KHDRBS2: variants seen among roughly 807,000 people sequenced by gnomAD.
KHDRBS2 encodes the protein KH domain-containing, RNA-binding, signal transduction-associated protein 2.
In KHDRBS2, 26 loss-of-function variants were observed where a neutral mutation model predicts 44.3. That is an observed-to-expected ratio of 0.59 (90% confidence interval 0.43 to 0.81). The LOEUF is 0.81. Ranked by LOEUF, KHDRBS2 falls within the 40% of genes least tolerant of loss-of-function variation. The pLI is 0.00. For missense variants in KHDRBS2, 476 were observed against 433.1 expected, an observed-to-expected ratio of 1.10 and a Z score of -0.88; for synonymous variants, 194 against 151.1, an observed-to-expected ratio of 1.28 and a Z score of -2.08.
intron 2 of KHDRBS2, among the ~76,000 whole-genome samples, chr6:62,127,566 GTT>G (rs374205291): frequency 2.0e-5 from 3 of 151,018 alleles, no homozygotes; most frequent in Non-Finnish European, 4.4e-5. Flanking sequence ...ACTACACTAA[GTT>G]TTTTTTTCTT....
chr6:62,013,134 C>A (rs952316679), intron 3 of KHDRBS2, among the ~76,000 whole-genome samples: 2 of 152,090 alleles, frequency 1.3e-5, no homozygotes, highest in Admixed American at 6.5e-5. Context: ...CAAATGAGAT[C>A]CTATGGAGCC....
the KHDRBS2 span, among the ~76,000 whole-genome samples, chr6:61,605,266 A>C: frequency 6.6e-6 from 1 of 152,054 alleles, no homozygotes; most frequent in Non-Finnish European, 1.5e-5. Context: ...TTTTCTGTCT[A>C]GTCATATTCC....
chr6:61,828,722 A>G (rs925096224), intron 6 of KHDRBS2, among the ~76,000 whole-genome samples: 6 of 152,156 alleles, frequency 3.9e-5, no homozygotes, highest in Admixed American at 3.3e-4. Context: ...TTCTTAAAGT[A>G]TTTATCACAC....
chr6:61,973,430 G>T (rs1433541092), intron 4 of KHDRBS2, among the ~76,000 whole-genome samples: 1 of 152,050 alleles, frequency 6.6e-6, no homozygotes, highest in Non-Finnish European at 1.5e-5. Context: ...ATTTGCTTTT[G>T]CCATAAAGAA....
intron 2 of KHDRBS2, among the ~76,000 whole-genome samples, chr6:62,083,394 C>G (rs1034263980): frequency 1.3e-5 from 2 of 152,124 alleles, no homozygotes; most frequent in South Asian, 4.2e-4. Context: ...CTGCATTTAC[C>G]ATCTTCAATT....
chr6:62,112,038 T>C (rs1805124835), intron 2 of KHDRBS2, among the ~76,000 whole-genome samples: 1 of 152,164 alleles, frequency 6.6e-6, no homozygotes, highest in South Asian at 2.1e-4. Context: ...ACTAATCATT[T>C]ACTGGAAATT....
At chr6:61,872,190 A>G (rs1289016747) in intron 6 of KHDRBS2, among the ~76,000 whole-genome samples, 1 of 152,218 alleles carries the variant, frequency 6.6e-6, no homozygotes, top group Non-Finnish European at 1.5e-5. Context: ...AATAAATTGA[A>G]AAACTCCTAA....
intron 2 of KHDRBS2, among the ~76,000 whole-genome samples, chr6:62,088,413 G>A (rs1798826943): frequency 6.6e-6 from 1 of 152,188 alleles, no homozygotes; most frequent in East Asian, 1.9e-4. Flanking sequence ...TGATGGTGAT[G>A]CTATTGTTTT....
chr6:61,741,347 C>G (rs1032528529), intron 6 of KHDRBS2, among the ~76,000 whole-genome samples: 2 of 151,858 alleles, frequency 1.3e-5, no homozygotes, highest in African/African-American at 4.8e-5. Flanking sequence ...AGGTTGCTTG[C>G]AACTCAGAAA....
chr6:61,571,284 CA>C, the KHDRBS2 span, among the ~76,000 whole-genome samples: 2 of 151,852 alleles, frequency 1.3e-5, no homozygotes, highest in Admixed American at 1.3e-4. Flanking sequence ...TTATATCACA[CA>C]AAACAGACTT....
intron 2 of KHDRBS2, among the ~76,000 whole-genome samples, chr6:62,059,481 G>A (rs1458136066): frequency 6.6e-6 from 1 of 151,406 alleles, no homozygotes; most frequent in Non-Finnish European, 1.5e-5. Context: ...TCCTCAATAA[G>A]ACATGGCAAT....
In KHDRBS2 at chr6:62,275,106, ACTTAT is replaced by A. The variant is rs1023813262; in HGVS notation, c.91+10747_91+10751del. On this transcript the variant is annotated intron_variant, in intron 1 of 8. Transcript: ENST00000281156. The stretch of plus-strand genomic sequence containing the variant: ...TGGTTTACTGAAACTCATTCCAAAT[ACTTAT>A]CTGACTTAATTAAATTGCTTTTAAT... Among the ~76,000 whole-genome samples, 8 of 152,172 alleles carry A rather than the reference ACTTAT, an allele frequency of 5.3e-5. No homozygotes were observed. In the East Asian group the frequency reaches 1.5e-3, roughly 29 times the overall value.
At chr6:61,689,589 T>C (rs1173996428) in intron 8 of KHDRBS2, among the ~76,000 whole-genome samples, 5 of 151,962 alleles carry the variant, frequency 3.3e-5, no homozygotes, top group African/African-American at 7.2e-5. Flanking sequence ...ATTGAACCTA[T>C]CTGTGCCAGA....
chr6:62,235,685 T>C (rs1027631336), intron 1 of KHDRBS2, among the ~76,000 whole-genome samples: 12 of 152,072 alleles, frequency 7.9e-5, no homozygotes, highest in African/African-American at 2.7e-4. Flanking sequence ...TAGAAAAACA[T>C]TCTGAGTCCA....
chr6:62,188,395 T>G (rs995155388), intron 1 of KHDRBS2, among the ~76,000 whole-genome samples: 8 of 152,174 alleles, frequency 5.3e-5, no homozygotes, highest in Non-Finnish European at 2.9e-5. Flanking sequence ...GTAAGTGGAA[T>G]CATGTAGCGA....
chr6:61,561,719 G>C, the KHDRBS2 span, among the ~76,000 whole-genome samples: 1 of 152,156 alleles, frequency 6.6e-6, no homozygotes. Context: ...AATGCTGCCA[G>C]ACTTGGTACT....
At chr6:62,209,365 G>A (rs1828615882) in intron 1 of KHDRBS2, among the ~76,000 whole-genome samples, 1 of 152,158 alleles carries the variant, frequency 6.6e-6, no homozygotes, top group South Asian at 2.1e-4. Context: ...AACATATTTT[G>A]TTAAAGGAAA....
intron 2 of KHDRBS2, among the ~76,000 whole-genome samples, chr6:62,121,794 G>A (rs539183981): frequency 1.3e-5 from 2 of 152,252 alleles, no homozygotes; most frequent in African/African-American, 4.8e-5. Context: ...CAAACACACT[G>A]GAGTTATTTA....
chr6:61,735,141 A>AT (rs113432555), intron 6 of KHDRBS2, among the ~76,000 whole-genome samples: 60,476 of 151,740 alleles, frequency 0.4, 13,015 homozygotes, highest in African/African-American at 0.57. Flanking sequence ...TTTTGTTTTC[A>AT]TTTTTTTGGT....
Sources: allele counts gnomAD v4.1 joint callset (sites outside exome capture counted in the v4.1 genomes callset), GRCh38; gene constraint gnomAD v4.1.1; transcripts MANE v1.5; gene names NCBI Gene and HGNC (gene_info 2026-07-23, HGNC 2026-07-21).